Variants in ZNF385D observed in about 807,000 individuals in gnomAD.
The protein encoded by ZNF385D is zinc finger protein 385D, also known as zinc finger protein 659.
A neutral mutation model predicts 35.8 loss-of-function variants in ZNF385D; 15 were observed. That is an observed-to-expected ratio of 0.42 (90% confidence interval 0.28 to 0.64). The LOEUF is 0.64. Among genes scored for constraint, ZNF385D ranks in the 30% least tolerant of loss-of-function variants. The pLI is 0.23. For synonymous variants in ZNF385D, 212 were observed against 186.8 expected (o/e 1.13, Z -1.10); for missense variants, 474 against 494.6 (o/e 0.96, Z 0.39).
chr3:22,235,296 A>T (rs1699116608), intron 2 of ZNF385D, among the ~76,000 whole-genome samples: 1 of 152,164 alleles, frequency 6.6e-6, no homozygotes, highest in Admixed American at 6.6e-5. Context: ...AACAGTAATG[A>T]ATATTTAAAT....
At chr3:21,958,428 C>T (rs1013149298) in intron 3 of ZNF385D, among the ~76,000 whole-genome samples, 2 of 152,008 alleles carry the variant, frequency 1.3e-5, no homozygotes, top group African/African-American at 2.4e-5. Flanking sequence ...AATATTTCTC[C>T]AAAAGATCAC....
At chr3:21,917,274 A>G (rs1700235792) in intron 3 of ZNF385D, among the ~76,000 whole-genome samples, 1 of 152,138 alleles carries the variant, frequency 6.6e-6, no homozygotes, top group African/African-American at 2.4e-5. Flanking sequence ...TCTGCTAAAA[A>G]TACAGAAATT....
intron 1 of ZNF385D, among the ~76,000 whole-genome samples, chr3:21,691,152 G>A (rs2067271648): frequency 6.6e-6 from 1 of 151,810 alleles, no homozygotes; most frequent in South Asian, 2.1e-4. Flanking sequence ...TTTAACTTTT[G>A]ACCGCAGCTG....
Position 21,436,996 on chromosome 3 carries a change from G to A in ZNF385D, c.647C>T (p.Ala216Val). ...CSLCKVAVNS[A>V]SQLEAHNSGT... ...ACTGTTGTGCGCCTCCAGCTGCGAGGCAGAGTTGACAGCAACCTTGCATAG... is the reference window on the plus strand; with the variant it reads ...ACTGTTGTGCGCCTCCAGCTGCGAGACAGAGTTGACAGCAACCTTGCATAG... Residue 216 changes from alanine (A) to valine (V), a missense_variant, in exon 5 of 8, where the codon GCC becomes GTC. Physicochemically the swap from Ala to Val is moderately conservative, Grantham distance 64. Coordinates refer to ENST00000281523, the MANE Select transcript of ZNF385D (RefSeq NM_024697.3). 1 of 1,613,890 alleles carries A rather than the reference G, an allele frequency of 6.2e-7. No homozygotes were observed. Among genetic ancestry groups the A allele is most frequent in the Non-Finnish European group, 8.5e-7 (1 of 1,179,862 alleles).
At chr3:22,262,609 T>C (rs778579681) in intron 2 of ZNF385D, among the ~76,000 whole-genome samples, 1 of 151,976 alleles carries the variant, frequency 6.6e-6, no homozygotes, top group Non-Finnish European at 1.5e-5. Flanking sequence ...CAACTGTAAC[T>C]AAGAATACTT....
At chr3:21,788,018 A>G (rs1559622370) in intron 3 of ZNF385D, among the ~76,000 whole-genome samples, 1 of 150,210 alleles carries the variant, frequency 6.7e-6, no homozygotes, top group African/African-American at 2.4e-5. Flanking sequence ...ACCTCAGAGA[A>G]GCAGAAATTA....
intron 3 of ZNF385D, among the ~76,000 whole-genome samples, chr3:22,135,348 A>C (rs1173888137): frequency 6.7e-6 from 1 of 149,810 alleles, no homozygotes; most frequent in Non-Finnish European, 1.5e-5. Context: ...CAACATACAC[A>C]CATAACTTAT....
chr3:22,205,502 G>A (rs1697088681), intron 2 of ZNF385D, among the ~76,000 whole-genome samples: 1 of 152,002 alleles, frequency 6.6e-6, no homozygotes, highest in African/African-American at 2.4e-5. Flanking sequence ...ATTGTGGCAT[G>A]TAAACTATGC....
chr3:21,828,065 T>A lies in ZNF385D; in HGVS notation c.326-163037A>T, dbSNP rs564261247. Among the ~76,000 whole-genome samples, 5 of 152,344 alleles carry A rather than the reference T, an allele frequency of 3.3e-5. No individual in the cohort carries two copies. The East Asian group carries it at 9.6e-4, about 29-fold the overall frequency. The stretch of plus-strand genomic sequence containing the variant: ...TTCCTCCCTGCCCTGTACTTACAAC[T>A]AAATCTATGGGAATATTATGTCTGT... On this transcript the variant is annotated intron_variant, in intron 3 of 5. Transcript: ENST00000494108.
intron 4 of ZNF385D, among the ~76,000 whole-genome samples, chr3:21,494,275 C>T (rs983100515): frequency 3.9e-5 from 6 of 152,088 alleles, no homozygotes; most frequent in African/African-American, 1.4e-4. Context: ...CAGGTGAAAA[C>T]CACAATAAAT....
At chr3:22,041,539 TATC>T (rs1698663308) in intron 3 of ZNF385D, among the ~76,000 whole-genome samples, 1 of 152,192 alleles carries the variant, frequency 6.6e-6, no homozygotes, top group Non-Finnish European at 1.5e-5. Flanking sequence ...TTCACTACAA[TATC>T]ATTACTATTA....
intron 3 of ZNF385D, among the ~76,000 whole-genome samples, chr3:22,164,449 G>A (rs956463764): frequency 6.6e-6 from 1 of 151,444 alleles, no homozygotes; most frequent in African/African-American, 2.4e-5. Context: ...GGATGGTCTC[G>A]ATCTCTTGAC....
intron 3 of ZNF385D, among the ~76,000 whole-genome samples, chr3:22,146,004 G>A (rs1426863189): frequency 1.3e-5 from 2 of 152,152 alleles, no homozygotes; most frequent in African/African-American, 4.8e-5. Context: ...GGTGGTCAGT[G>A]AAAGATGAGT....
chr3:22,243,682 C>A (rs188765205), intron 2 of ZNF385D, among the ~76,000 whole-genome samples: 1 of 150,966 alleles, frequency 6.6e-6, no homozygotes, highest in East Asian at 2.0e-4. Flanking sequence ...AACAGCCAAG[C>A]TCTGTGGCTA....
At chr3:21,429,805 C>T (rs1279197510) in intron 5 of ZNF385D, among the ~76,000 whole-genome samples, 2 of 152,070 alleles carry the variant, frequency 1.3e-5, no homozygotes, top group Non-Finnish European at 2.9e-5. Context: ...AGATTTTTAA[C>T]AAACTCATAC....
chr3:21,824,561 T>C (rs910115905), intron 3 of ZNF385D, among the ~76,000 whole-genome samples: 1 of 152,174 alleles, frequency 6.6e-6, no homozygotes, highest in South Asian at 2.1e-4. Flanking sequence ...ATCCTCATCA[T>C]ATATCAAAAA....
At chr3:22,319,853 T>G (rs1243815529) in intron 2 of ZNF385D, among the ~76,000 whole-genome samples, 1 of 152,196 alleles carries the variant, frequency 6.6e-6, no homozygotes, top group African/African-American at 2.4e-5. Context: ...TCTGAAAATT[T>G]TTTTTTAAAT....
At chr3:21,545,363 T>C (rs1445165515) in intron 3 of ZNF385D, among the ~76,000 whole-genome samples, 1 of 152,222 alleles carries the variant, frequency 6.6e-6, no homozygotes, top group Non-Finnish European at 1.5e-5. Flanking sequence ...AGCAAGAGTT[T>C]ACTAAATGGA....
intron 3 of ZNF385D, among the ~76,000 whole-genome samples, chr3:21,885,744 G>C (rs1342224865): frequency 1.6e-5 from 1 of 64,332 alleles, no homozygotes; most frequent in Non-Finnish European, 3.2e-5. Flanking sequence ...CTGTGTCTGT[G>C]TGTGTGTGTG....
Sources: allele counts gnomAD v4.1 joint callset (sites outside exome capture counted in the v4.1 genomes callset), GRCh38; gene constraint gnomAD v4.1.1; transcripts MANE v1.5; gene names NCBI Gene and HGNC (gene_info 2026-07-23, HGNC 2026-07-21).